NUBPL: variants seen among roughly 807,000 people sequenced by gnomAD.
The protein encoded by NUBPL is iron-sulfur cluster transfer protein NUBPL.
NUBPL carries 31 observed loss-of-function variants against 45.7 expected under a neutral mutation model. The ratio of observed to expected loss-of-function variants is 0.68; its 90% CI spans 0.51 to 0.92. The LOEUF is 0.92. Among genes scored for constraint, NUBPL ranks in the 40% least tolerant of loss-of-function variants. The probability of loss-of-function intolerance (pLI) is 0.00; values close to 1 mark genes in which losing one functional copy is unlikely to be tolerated. For missense variants in NUBPL, 401 were observed against 398.7 expected (o/e 1.01, Z -0.05); for synonymous variants, 144 against 140.9 (o/e 1.02, Z -0.15).
At chr14:31,626,595 A>G (rs1456703169) in intron 4 of NUBPL, among the ~76,000 whole-genome samples, 1 of 152,206 alleles carries the variant, frequency 6.6e-6, no homozygotes. Context: ...TGTTTAGAGA[A>G]TATGTAAGAT....
chr14:31,587,465 A>C (rs2034023954), intron 3 of NUBPL, among the ~76,000 whole-genome samples: 1 of 152,140 alleles, frequency 6.6e-6, no homozygotes, highest in African/African-American at 2.4e-5. Flanking sequence ...GCATTCATTA[A>C]CTCTGGCTAT....
At chr14:31,654,314 G>A (rs913751654) in intron 4 of NUBPL, among the ~76,000 whole-genome samples, 2 of 151,974 alleles carry the variant, frequency 1.3e-5, no homozygotes, top group Admixed American at 6.6e-5. Flanking sequence ...TAATCTTTTT[G>A]CCTTTGGATG....
Position 31,700,918 on chromosome 14 carries a change from A to C in NUBPL, c.513+27344A>C, listed in dbSNP as rs1024004165. 9.9e-5 allele frequency among the ~76,000 whole-genome samples: 15 copies of C among 152,214 alleles called. No homozygotes were observed. The East Asian group carries it at 1.9e-3, about 20-fold the overall frequency. The stretch of plus-strand genomic sequence containing the variant: ...GGCTCCCGGTCCCATCGACCGCCCA[A>C]GGGCTGAGGAGTGCAGGTGCGCGGC... On this transcript the variant is annotated intron_variant, in intron 6 of 10. Coordinates refer to ENST00000281081, the MANE Select transcript of NUBPL (RefSeq NM_025152.3).
At chr14:31,690,695 A>T (rs1226062059) in intron 6 of NUBPL, among the ~76,000 whole-genome samples, 1 of 152,214 alleles carries the variant, frequency 6.6e-6, no homozygotes, top group African/African-American at 2.4e-5. Context: ...GACTTCACGG[A>T]ATTTATGACA....
chr14:31,628,849 A>G (rs993523552), intron 4 of NUBPL, among the ~76,000 whole-genome samples: 1 of 152,206 alleles, frequency 6.6e-6, no homozygotes, highest in Admixed American at 6.5e-5. Flanking sequence ...AATAATTTTT[A>G]CTGTATTACC....
chr14:31,703,792 G>T (rs556903901), intron 6 of NUBPL, among the ~76,000 whole-genome samples: 15 of 152,326 alleles, frequency 9.8e-5, no homozygotes, highest in African/African-American at 3.1e-4. Context: ...GCATGCCTGG[G>T]CTCAATCGCC....
intron 4 of NUBPL, among the ~76,000 whole-genome samples, chr14:31,670,833 G>A (rs755191628): frequency 6.6e-6 from 1 of 152,068 alleles, no homozygotes; most frequent in African/African-American, 2.4e-5. Flanking sequence ...TGGTCCATGT[G>A]CCTGTTTTTG....
chr14:31,734,658 T>A (rs1476336932), intron 6 of NUBPL, among the ~76,000 whole-genome samples: 2 of 152,332 alleles, frequency 1.3e-5, no homozygotes, highest in Non-Finnish European at 1.5e-5. Flanking sequence ...TGCTTTTTAG[T>A]TGAATTTTTT....
intron 8 of NUBPL, among the ~76,000 whole-genome samples, chr14:31,843,083 C>A (rs1240640419): frequency 6.6e-6 from 1 of 152,182 alleles, no homozygotes; most frequent in East Asian, 1.9e-4. Context: ...CAACACTCCT[C>A]TGTATTGCAT....
intron 6 of NUBPL, among the ~76,000 whole-genome samples, chr14:31,722,178 GT>G (rs2037824942): frequency 6.6e-6 from 1 of 151,854 alleles, no homozygotes; most frequent in Non-Finnish European, 1.5e-5. Context: ...TTTGGTTTTT[GT>G]TTTTTGTTTT....
intron 6 of NUBPL, among the ~76,000 whole-genome samples, chr14:31,731,398 A>AT (rs2038045464): frequency 6.6e-6 from 1 of 152,156 alleles, no homozygotes. Context: ...GACACACATA[A>AT]TTTTTTATGC....
At chr14:31,785,231 T>C (rs1012463430) in intron 6 of NUBPL, among the ~76,000 whole-genome samples, 22 of 152,262 alleles carry the variant, frequency 1.4e-4, no homozygotes, top group Non-Finnish European at 3.2e-4. Flanking sequence ...ATATTTATTC[T>C]TATTTGATCT....
intron 6 of NUBPL, among the ~76,000 whole-genome samples, chr14:31,766,716 G>A (rs112952563): frequency 3.3e-5 from 5 of 152,140 alleles, no homozygotes; most frequent in Non-Finnish European, 7.3e-5. Flanking sequence ...TACCCCAAAA[G>A]CCAGTGAGAT....
At chr14:31,816,885 G>A (rs1354961094) in intron 7 of NUBPL, among the ~76,000 whole-genome samples, 1 of 152,082 alleles carries the variant, frequency 6.6e-6, no homozygotes, top group East Asian at 1.9e-4. Flanking sequence ...TTGCACTGTG[G>A]TCTGAGAGAC....
intron 8 of NUBPL, among the ~76,000 whole-genome samples, chr14:31,837,576 A>G (rs1311247461): frequency 2.0e-5 from 3 of 152,294 alleles, no homozygotes; most frequent in East Asian, 1.9e-4. Context: ...TTAATAATAT[A>G]TGTACCACAG....
At chr14:31,750,926 A>C (rs1274408254) in intron 6 of NUBPL, among the ~76,000 whole-genome samples, 2 of 152,174 alleles carry the variant, frequency 1.3e-5, no homozygotes, top group African/African-American at 4.8e-5. Context: ...CAGGAAACTT[A>C]TAATCATGGT....
intron 4 of NUBPL, among the ~76,000 whole-genome samples, chr14:31,601,107 A>G (rs1390232767): frequency 6.6e-6 from 1 of 152,084 alleles, no homozygotes. Flanking sequence ...TGTTCCATTG[A>G]TCTATATCTC....
chr14:31,639,652 C>T (rs1231387843), intron 4 of NUBPL, among the ~76,000 whole-genome samples: 1 of 152,208 alleles, frequency 6.6e-6, no homozygotes, highest in Non-Finnish European at 1.5e-5. Flanking sequence ...GACGTTACTG[C>T]TGTCTTTTTG....
chr14:31,636,442 C>T (rs1245568207), intron 4 of NUBPL, among the ~76,000 whole-genome samples: 3 of 152,030 alleles, frequency 2.0e-5, no homozygotes, highest in Non-Finnish European at 2.9e-5. Context: ...GGATGAAGCC[C>T]ACTTGATCGT....
Sources: gnomAD v4.1 joint callset for allele counts (sites outside exome capture counted in the v4.1 genomes callset) on GRCh38, gnomAD v4.1.1 for gene constraint, MANE v1.5 for transcripts, NCBI Gene and HGNC (gene_info 2026-07-23, HGNC 2026-07-21) for gene names.